Variants in NRG4 observed in about 807,000 individuals in gnomAD.
NRG4 encodes pro-neuregulin-4, membrane-bound isoform.
In NRG4, 10 loss-of-function variants were observed where a neutral mutation model predicts 15.0. That is an observed-to-expected ratio of 0.67 (90% CI 0.41 to 1.13). NRG4 has a LOEUF of 1.13. NRG4 is among the 50% of genes most tolerant of loss of function. The pLI, the probability that NRG4 is intolerant of heterozygous loss-of-function variation, is 0.00. For missense variants in NRG4, 139 were observed against 140.2 expected (o/e 0.99, Z 0.04); for synonymous variants, 41 against 50.1 (o/e 0.82, Z 0.77).
At chr15:76,013,611 T>C (rs964963688), upstream of NRG4, among the ~76,000 whole-genome samples, 4 of 152,134 alleles carry the variant, frequency 2.6e-5, no homozygotes, top group Non-Finnish European at 4.4e-5. Context: ...TCTGTTCTTG[T>C]GTTAGTTTGC....
chr15:76,008,606 C>T (rs921010785), intron 3 of NRG4, among the ~76,000 whole-genome samples: 2 of 152,052 alleles, frequency 1.3e-5, no homozygotes, highest in Non-Finnish European at 2.9e-5. Flanking sequence ...AGGAATCAGG[C>T]TACAGAAGTA....
intron 5 of NRG4, among the ~76,000 whole-genome samples, chr15:76,029,341 C>T (rs2035408155): frequency 6.6e-6 from 1 of 152,066 alleles, no homozygotes; most frequent in Non-Finnish European, 1.5e-5. Context: ...CCACAGCTAA[C>T]ATCATACCAG....
At chr15:75,985,185 T>G (rs1260694693) in intron 3 of NRG4, among the ~76,000 whole-genome samples, 1 of 152,084 alleles carries the variant, frequency 6.6e-6, no homozygotes, top group Admixed American at 6.6e-5. Flanking sequence ...AAAATAAGGG[T>G]AAGTTCCATT....
At chr15:75,938,898 A>C (rs2030654308), downstream of NRG4, 1 of 152,208 alleles carries the variant, frequency 6.6e-6, no homozygotes, top group African/African-American at 2.4e-5. Flanking sequence ...AGAAGAAATC[A>C]CAAGGGAAAT....
At chr15:75,939,980 C>G (rs1403351396), downstream of NRG4, 2 of 152,036 alleles carry the variant, frequency 1.3e-5, no homozygotes, top group Non-Finnish European at 2.9e-5. Context: ...TTTCACCATT[C>G]CTATTCAACA....
intron 3 of NRG4, among the ~76,000 whole-genome samples, chr15:76,004,580 CAA>C (rs1437989530): frequency 7.9e-6 from 1 of 126,662 alleles, no homozygotes; most frequent in Non-Finnish European, 1.6e-5. Flanking sequence ...GCCTGGGCAA[CAA>C]GAGCGAAACT....
chr15:76,022,361 C>T (rs758163806), intron 5 of NRG4, among the ~76,000 whole-genome samples: 1 of 152,014 alleles, frequency 6.6e-6, no homozygotes, highest in Non-Finnish European at 1.5e-5. Context: ...TTGACTTATA[C>T]AAATGACAGT....
At chr15:75,964,411 T>A (rs969350585) in intron 3 of NRG4, among the ~76,000 whole-genome samples, 1 of 152,116 alleles carries the variant, frequency 6.6e-6, no homozygotes, top group African/African-American at 2.4e-5. Flanking sequence ...TAAGGAAAAA[T>A]TTTAGCTGTG....
At chr15:75,945,212 C>T (rs1330022270) in intron 5 of NRG4, among the ~76,000 whole-genome samples, 1 of 151,670 alleles carries the variant, frequency 6.6e-6, no homozygotes, top group Non-Finnish European at 1.5e-5. Context: ...GTTAACACCA[C>T]GATAAATTTA....
chr15:76,011,522 A>G (rs2034809764), intron 1 of NRG4, among the ~76,000 whole-genome samples: 1 of 152,218 alleles, frequency 6.6e-6, no homozygotes, highest in Non-Finnish European at 1.5e-5. Flanking sequence ...CATTGCCTAA[A>G]TAATGTAATT....
intron 4 of NRG4, among the ~76,000 whole-genome samples, chr15:76,040,704 C>T (rs1163895080): frequency 6.6e-6 from 1 of 152,144 alleles, no homozygotes; most frequent in Non-Finnish European, 1.5e-5. Flanking sequence ...GATCACAGAT[C>T]ATTTGAGGTC....
chr15:76,035,240 T>C (rs184580), intron 5 of NRG4, among the ~76,000 whole-genome samples: 122,245 of 152,134 alleles, frequency 0.8, 49,471 homozygotes, highest in South Asian at 0.9. Context: ...CTATAGCTCC[T>C]GGCTTCATGA....
chr15:75,957,748 G>C (rs552548374), intron 4 of NRG4, among the ~76,000 whole-genome samples: 3 of 151,998 alleles, frequency 2.0e-5, no homozygotes, highest in Admixed American at 1.3e-4. Context: ...ACACACTCTG[G>C]TCACCATGCT....
chr15:75,994,346 C>T (rs2034133561), intron 3 of NRG4, among the ~76,000 whole-genome samples: 1 of 151,978 alleles, frequency 6.6e-6, no homozygotes. Context: ...CTCTTCAGGA[C>T]ATTCAATTTC....
chr15:75,990,999 A>T (rs1371020278), intron 3 of NRG4, among the ~76,000 whole-genome samples: 1 of 152,040 alleles, frequency 6.6e-6, no homozygotes, highest in East Asian at 1.9e-4. Flanking sequence ...TATTCTATTA[A>T]TCTAGCTATG....
intron 3 of NRG4, among the ~76,000 whole-genome samples, chr15:75,983,551 A>G (rs1377397616): frequency 1.3e-5 from 2 of 152,188 alleles, no homozygotes; most frequent in Non-Finnish European, 2.9e-5. Context: ...TTAGAAGGAG[A>G]TAAGTAAAAC....
chr15:76,030,211 A>T (rs948074247), intron 5 of NRG4, among the ~76,000 whole-genome samples: 2 of 152,166 alleles, frequency 1.3e-5, no homozygotes, highest in African/African-American at 2.4e-5. Context: ...ATGAGCCAAG[A>T]TCACACCACT....
intron 5 of NRG4, among the ~76,000 whole-genome samples, chr15:76,030,621 A>T (rs1258058646): frequency 1.3e-5 from 2 of 152,228 alleles, no homozygotes. Flanking sequence ...GAAAAACCTC[A>T]ATCTATGAAA....
At position 75,943,267 on chromosome 15, in the gene NRG4, C is replaced by T. The variant is rs1375349381; in HGVS notation, c.*371G>A. 5.3e-6 allele frequency: 1 copy of T among 187,784 alleles called. No homozygotes were observed. The highest frequency in any genetic ancestry group is 1.1e-5 in the Non-Finnish European group (1 of 92,138). The allele number at this position is 187,784 out of a possible 1,614,324, so 11.6% of individuals were successfully genotyped here. The stretch of plus-strand genomic sequence containing the variant: ...GGTTTTGAAGCCACTAAGCCAGCTA[C>T]TCCTTGCATTTAAAGGGTTTTCATC... On this transcript the variant is annotated 3_prime_UTR_variant, in exon 6 of 6. Coordinates refer to ENST00000394907, the MANE Select transcript of NRG4 (RefSeq NM_138573.4).
Sources: allele counts gnomAD v4.1 joint callset (sites outside exome capture counted in the v4.1 genomes callset), GRCh38; gene constraint gnomAD v4.1.1; transcripts MANE v1.5; gene names NCBI Gene and HGNC (gene_info 2026-07-23, HGNC 2026-07-21).